FOXP2: variants seen among roughly 807,000 people sequenced by gnomAD.
FOXP2 encodes the protein forkhead box P2, also known as forkhead box protein P2.
A neutral mutation model predicts 115.8 loss-of-function variants in FOXP2; 12 were observed. The observed-to-expected ratio is 0.10, with a 90% CI of 0.07 to 0.17. The LOEUF is 0.17. Among genes scored for constraint, FOXP2 ranks in the 10% least tolerant of loss-of-function variants. FOXP2 has a pLI of 1.00. For synonymous variants in FOXP2, 328 were observed against 297.7 expected (o/e 1.10, Z -1.05); for missense variants, 629 against 843.5 (o/e 0.75, Z 3.15).
At position 114,659,346 on chromosome 7, in the gene FOXP2, AT is replaced by A; in HGVS notation, c.1469-5del. The stretch of plus-strand genomic sequence containing the variant: ...TTAGCAGAATTAACACCTAGTTTTT[AT>A]TTTTATAGAAATTGCCCCAAACTAT... On this transcript the variant is annotated splice_polypyrimidine_tract_variant and intron_variant, in intron 11 of 16. Coordinates refer to ENST00000350908, the MANE Select transcript of FOXP2 (RefSeq NM_014491.4). The A allele has an allele frequency of 6.3e-7, 1 of 1,585,316 alleles. No individual in the cohort carries two copies. The highest frequency in any genetic ancestry group is 8.7e-7 in the Non-Finnish European group (1 of 1,155,122).
At chr7:114,535,374 CTGTT>C (rs1799332253) in intron 3 of FOXP2, among the ~76,000 whole-genome samples, 1 of 151,122 alleles carries the variant, frequency 6.6e-6, no homozygotes, top group African/African-American at 2.4e-5. Flanking sequence ...TATTTTTTGA[CTGTT>C]TGGAAGGTAA....
Position 114,611,768 on chromosome 7 carries a change from A to G in FOXP2, c.259-16772A>G, listed in dbSNP as rs142122838. Among the ~76,000 whole-genome samples, 86 of 152,294 alleles carry G rather than the reference A, an allele frequency of 5.6e-4. 1 individual carries two copies. In the East Asian group the frequency reaches 0.015, roughly 27 times the overall value. On this transcript the variant is annotated intron_variant, in intron 3 of 16. Coordinates refer to ENST00000350908, the MANE Select transcript of FOXP2 (RefSeq NM_014491.4). ...ACAGCACCTTGGTAGTAACAACATC[A>G]TGAAACTTGCATCCTTAGAGGTTTT...
chr7:114,165,629 A>G (rs1015481192), intron 1 of FOXP2, among the ~76,000 whole-genome samples: 1 of 152,230 alleles, frequency 6.6e-6, no homozygotes, highest in African/African-American at 2.4e-5. Context: ...AAAGATCTGA[A>G]TAAATGGAGA....
chr7:114,257,895 AC>A (rs1795662240), intron 1 of FOXP2, among the ~76,000 whole-genome samples: 1 of 152,216 alleles, frequency 6.6e-6, no homozygotes, highest in East Asian at 1.9e-4. Flanking sequence ...TTAAAGAACA[AC>A]AAGGAGGCCA....
Position 114,519,881 on chromosome 7 carries a change from C to T in FOXP2, c.169-14736C>T, listed in dbSNP as rs541275375. On this transcript the variant is annotated intron_variant, in intron 2 of 16. Coordinates refer to ENST00000350908, the MANE Select transcript of FOXP2 (RefSeq NM_014491.4). ...TAAGGTTTTAATTTCCAATTTTATC[C>T]GTCTTTTTATAAGCATTCTTTCACA... 1.8e-4 allele frequency among the ~76,000 whole-genome samples: 28 copies of T among 152,096 alleles called. 1 individual carries two copies. The East Asian group carries it at 3.9e-3, about 21-fold the overall frequency.
At chr7:114,256,453 T>C (rs1257610213) in intron 1 of FOXP2, among the ~76,000 whole-genome samples, 1 of 152,116 alleles carries the variant, frequency 6.6e-6, no homozygotes, top group Non-Finnish European at 1.5e-5. Context: ...CTAATGACCA[T>C]TGATGTTGAG....
intron 2 of FOXP2, among the ~76,000 whole-genome samples, chr7:114,460,965 T>C (rs997839757): frequency 2.0e-5 from 3 of 152,204 alleles, no homozygotes; most frequent in Admixed American, 2.0e-4. Context: ...GAGACTGTCT[T>C]AATAAGCTGC....
intron 1 of FOXP2, among the ~76,000 whole-genome samples, chr7:114,421,165 A>C (rs1793602129): frequency 6.6e-6 from 1 of 151,608 alleles, no homozygotes; most frequent in Non-Finnish European, 1.5e-5. Flanking sequence ...ACTTTAAGTG[A>C]AATAGCATAG....
intron 1 of FOXP2, among the ~76,000 whole-genome samples, chr7:114,219,924 T>C (rs1182924357): frequency 6.6e-6 from 1 of 151,976 alleles, no homozygotes; most frequent in Admixed American, 6.6e-5. Flanking sequence ...TGGAGTGCAG[T>C]GGCGCGATCT....
chr7:114,530,566 AT>A (rs199861400), intron 2 of FOXP2, among the ~76,000 whole-genome samples: 4 of 151,692 alleles, frequency 2.6e-5, no homozygotes, highest in East Asian at 1.9e-4. Flanking sequence ...CATACTCAAC[AT>A]TTTTTTTGTT....
intron 16 of FOXP2, among the ~76,000 whole-genome samples, chr7:114,670,647 A>G (rs940387333): frequency 2.6e-5 from 4 of 152,138 alleles, no homozygotes; most frequent in Non-Finnish European, 4.4e-5. Flanking sequence ...ACATAAGTAT[A>G]TAATATTACA....
At chr7:114,171,329 T>G (rs537875684) in intron 1 of FOXP2, among the ~76,000 whole-genome samples, 1 of 152,246 alleles carries the variant, frequency 6.6e-6, no homozygotes, top group African/African-American at 2.4e-5. Flanking sequence ...TCCCAGCATT[T>G]TGAGAGGCCA....
intron 2 of FOXP2, among the ~76,000 whole-genome samples, chr7:114,385,034 G>GTC (rs1305475283): frequency 6.7e-6 from 1 of 148,686 alleles, no homozygotes; most frequent in East Asian, 2.0e-4. Context: ...CTCCCTCTTT[G>GTC]TCTCTCTCTC....
At chr7:114,167,034 T>C (rs184370444) in intron 1 of FOXP2, among the ~76,000 whole-genome samples, 39 of 152,318 alleles carry the variant, frequency 2.6e-4, no homozygotes, top group Admixed American at 2.5e-3. Context: ...AAGCTAAACA[T>C]AGTCTTACTA....
rs558823711 is a variant in FOXP2 at position 114,211,327 on chromosome 7, A to G, written c.-102+48239A>G. On this transcript the variant is annotated intron_variant, in intron 1 of 17. Transcript: ENST00000634411. ...CCACACAGCTCTGTGTATCAGACCC[A>G]AGTCCCTGGTGGTGTGGGCTCACAA... Among the ~76,000 whole-genome samples, 6 of 152,328 alleles carry G rather than the reference A, an allele frequency of 3.9e-5. No homozygotes were observed. In the East Asian group the frequency reaches 9.6e-4, roughly 24 times the overall value.
intron 1 of FOXP2, among the ~76,000 whole-genome samples, chr7:114,422,109 T>C (rs983263653): frequency 1.3e-5 from 2 of 151,740 alleles, no homozygotes; most frequent in African/African-American, 4.8e-5. Context: ...TAAGAATATA[T>C]GTTTTAAATT....
At chr7:114,467,765 T>C (rs1367992363) in intron 2 of FOXP2, among the ~76,000 whole-genome samples, 1 of 152,190 alleles carries the variant, frequency 6.6e-6, no homozygotes, top group East Asian at 1.9e-4. Flanking sequence ...TACTTTCTTA[T>C]TATTAATATT....
chr7:114,682,323 T>G (rs1467917835), intron 16 of FOXP2, among the ~76,000 whole-genome samples: 2 of 152,126 alleles, frequency 1.3e-5, no homozygotes, highest in Admixed American at 6.5e-5. Flanking sequence ...TATACCACAC[T>G]TAGAAGTTAA....
chr7:114,437,893 G>A (rs954890431), intron 2 of FOXP2, among the ~76,000 whole-genome samples: 3 of 152,218 alleles, frequency 2.0e-5, no homozygotes, highest in Admixed American at 6.5e-5. Context: ...ACACATGAAC[G>A]TGACTATTCT....
Sources: gnomAD v4.1 joint callset for allele counts (sites outside exome capture counted in the v4.1 genomes callset) on GRCh38, gnomAD v4.1.1 for gene constraint, MANE v1.5 for transcripts, NCBI Gene and HGNC (gene_info 2026-07-23, HGNC 2026-07-21) for gene names.